Variants in NPAS3 observed in about 807,000 individuals in gnomAD.
The protein encoded by NPAS3 is neuronal PAS domain protein 3.
Under a neutral mutation model 73.1 loss-of-function variants are expected in NPAS3, and 14 were observed. The ratio of observed to expected loss-of-function variants is 0.19; its 90% CI spans 0.13 to 0.30. The LOEUF is 0.30. Ranked by LOEUF, NPAS3 falls within the 10% of genes least tolerant of loss-of-function variation. NPAS3 has a pLI of 1.00. For synonymous variants in NPAS3, 620 were observed against 541.5 expected, an observed-to-expected ratio of 1.14 and a Z score of -2.01; for missense variants, 1,096 against 1,250.0, an observed-to-expected ratio of 0.88 and a Z score of 1.86.
chr14:33,712,357 G>A (rs577960707), intron 6 of NPAS3, among the ~76,000 whole-genome samples: 2 of 152,222 alleles, frequency 1.3e-5, no homozygotes, highest in South Asian at 4.2e-4. Flanking sequence ...GCATTCAAGT[G>A]GCATCTGCTA....
At chr14:33,416,936 A>G (rs902295839) in intron 4 of NPAS3, among the ~76,000 whole-genome samples, 3 of 152,000 alleles carry the variant, frequency 2.0e-5, no homozygotes, top group Non-Finnish European at 4.4e-5. Flanking sequence ...GGGGAGAAAA[A>G]AACAATTTTA....
At chr14:33,781,227 C>A (rs77195458) in intron 9 of NPAS3, among the ~76,000 whole-genome samples, 20 of 152,194 alleles carry the variant, frequency 1.3e-4, no homozygotes, top group Admixed American at 5.9e-4. Flanking sequence ...ATCACACACA[C>A]AAAAAAATCA....
At chr14:33,728,072 A>G (rs557213224) in intron 6 of NPAS3, among the ~76,000 whole-genome samples, 57 of 152,308 alleles carry the variant, frequency 3.7e-4, no homozygotes, top group African/African-American at 1.3e-3. Flanking sequence ...GACACTGTGT[A>G]TATTTCCCCA....
intron 4 of NPAS3, among the ~76,000 whole-genome samples, chr14:33,442,472 C>T (rs978163319): frequency 1.6e-4 from 24 of 152,002 alleles, no homozygotes; most frequent in African/African-American, 5.6e-4. Context: ...TGGCTGTGTC[C>T]CAAATCTCAT....
chr14:33,446,338 G>T (rs1034545110), intron 4 of NPAS3, among the ~76,000 whole-genome samples: 1 of 151,118 alleles, frequency 6.6e-6, no homozygotes, highest in Non-Finnish European at 1.5e-5. Context: ...ACCGCGCCCG[G>T]CTAATTTTTT....
At chr14:33,402,607 A>G (rs1197859918) in intron 4 of NPAS3, among the ~76,000 whole-genome samples, 1 of 152,142 alleles carries the variant, frequency 6.6e-6, no homozygotes, top group Non-Finnish European at 1.5e-5. Context: ...TCAGAAAGTG[A>G]AAAAGCTTAA....
upstream of NPAS3, among the ~76,000 whole-genome samples, chr14:32,937,047 C>T (rs1258777633): frequency 6.6e-6 from 1 of 151,228 alleles, no homozygotes; most frequent in East Asian, 1.9e-4. Flanking sequence ...AAAATGTAGC[C>T]TTCTTTGATT....
At chr14:33,553,874 G>C (rs557424012) in intron 4 of NPAS3, among the ~76,000 whole-genome samples, 16 of 152,294 alleles carry the variant, frequency 1.1e-4, no homozygotes, top group Non-Finnish European at 1.9e-4. Context: ...GCACCATCCA[G>C]GTTCTCCTTG....
intron 2 of NPAS3, among the ~76,000 whole-genome samples, chr14:33,111,164 A>G (rs949036635): frequency 6.6e-5 from 10 of 152,184 alleles, no homozygotes; most frequent in African/African-American, 2.4e-4. Flanking sequence ...TGCTGGGGTG[A>G]TACTCACTGA....
chr14:33,333,504 A>G (rs2044079852), intron 3 of NPAS3, among the ~76,000 whole-genome samples: 2 of 152,182 alleles, frequency 1.3e-5, no homozygotes, highest in African/African-American at 4.8e-5. Context: ...ACAAATATGG[A>G]AACTAGGGCT....
At chr14:33,417,941 A>C (rs1430223701) in intron 4 of NPAS3, among the ~76,000 whole-genome samples, 1 of 152,026 alleles carries the variant, frequency 6.6e-6, no homozygotes, top group Non-Finnish European at 1.5e-5. Flanking sequence ...TTCTTTTTGC[A>C]GATGATTTTG....
chr14:33,133,005 T>A (rs149753412), intron 2 of NPAS3, among the ~76,000 whole-genome samples: 2 of 152,286 alleles, frequency 1.3e-5, no homozygotes, highest in East Asian at 1.9e-4. Context: ...CAGTTATTAC[T>A]CTTAAATTAA....
intron 5 of NPAS3, among the ~76,000 whole-genome samples, chr14:33,606,479 T>A (rs1180545782): frequency 6.6e-6 from 1 of 152,110 alleles, no homozygotes; most frequent in Non-Finnish European, 1.5e-5. Context: ...GCAAAGATAG[T>A]TCAGTGGAGA....
intron 2 of NPAS3, among the ~76,000 whole-genome samples, chr14:33,107,849 G>A (rs1221739586): frequency 6.6e-6 from 1 of 152,140 alleles, no homozygotes; most frequent in Admixed American, 6.5e-5. Context: ...ACATGGTACT[G>A]GTATTGTGTT....
intron 6 of NPAS3, among the ~76,000 whole-genome samples, chr14:33,721,394 A>G (rs937833757): frequency 6.6e-6 from 1 of 152,178 alleles, no homozygotes; most frequent in Non-Finnish European, 1.5e-5. Flanking sequence ...TTTTACTTTC[A>G]GCTTTAGATA....
intron 5 of NPAS3, among the ~76,000 whole-genome samples, chr14:33,599,122 C>A (rs1188397904): frequency 2.6e-5 from 4 of 152,088 alleles, no homozygotes; most frequent in Non-Finnish European, 5.9e-5. Context: ...CTCAAGTGGG[C>A]ACATTTCCAT....
At chr14:33,573,636 G>A (rs1248611805) in intron 5 of NPAS3, among the ~76,000 whole-genome samples, 2 of 152,196 alleles carry the variant, frequency 1.3e-5, no homozygotes, top group East Asian at 1.9e-4. Context: ...TGGGAGAGAT[G>A]AGTCTGGAAA....
rs1362408002 is a variant in NPAS3 at position 33,746,138 on chromosome 14, G to A, written c.852+10806G>A. ...GAGAGGTAGTATGCAACATTCCTTAGGGGATTCTATTGACTCATTCTTTTT... is the reference window on the plus strand; with the variant it reads ...GAGAGGTAGTATGCAACATTCCTTAAGGGATTCTATTGACTCATTCTTTTT... On this transcript the variant is annotated intron_variant, in intron 7 of 11. Coordinates refer to ENST00000356141, the Ensembl canonical transcript of NPAS3. Among the ~76,000 whole-genome samples, 6 of 151,692 alleles carry A rather than the reference G, an allele frequency of 4.0e-5. No homozygotes were observed. The East Asian group carries it at 9.7e-4, about 24-fold the overall frequency.
intron 1 of NPAS3, among the ~76,000 whole-genome samples, chr14:32,966,328 T>A (rs1956000): frequency 6.6e-6 from 1 of 152,010 alleles, no homozygotes; most frequent in African/African-American, 2.4e-5. Context: ...AACCAAACAC[T>A]GTGGTAACTG....
Sources: gnomAD v4.1 joint callset for allele counts (sites outside exome capture counted in the v4.1 genomes callset) on GRCh38, gnomAD v4.1.1 for gene constraint, MANE v1.5 for transcripts, NCBI Gene and HGNC (gene_info 2026-07-23, HGNC 2026-07-21) for gene names.